TBX2: variants seen among roughly 807,000 people sequenced by gnomAD.
TBX2 encodes T-box transcription factor 2.
A neutral mutation model predicts 48.4 loss-of-function variants in TBX2; 19 were observed. The observed-to-expected ratio is 0.39, with a 90% CI of 0.27 to 0.58. TBX2 has a LOEUF of 0.58. TBX2 is among the 20% of genes least tolerant of loss of function. The pLI is 0.54. For missense variants in TBX2, 994 were observed against 1,006.5 expected, an observed-to-expected ratio of 0.99 and a Z score of 0.17; for synonymous variants, 522 against 459.7, an observed-to-expected ratio of 1.14 and a Z score of -1.73.
intron 1 of TBX2, 98 bp from the exon 2 acceptor site, chr17:61,401,586 G>T (rs767832148): frequency 6.8e-7 from 1 of 1,463,732 alleles, no homozygotes; most frequent in East Asian, 2.4e-5. Context: ...AGGCGGCAGC[G>T]GTGTGCGCAA....
In TBX2 at chr17:61,400,284, CT is replaced by C; in HGVS notation, c.110del (p.Phe37SerfsTer71). The C allele has an allele frequency of 8.6e-7, 1 of 1,167,088 alleles. No homozygotes were observed. Among genetic ancestry groups the C allele is most frequent in the Non-Finnish European group, 1.1e-6 (1 of 926,552 alleles). The allele number at this position is 1,167,088 out of a possible 1,614,324, so 72.3% of individuals were successfully genotyped here. ...SAFLAAAQPS[F>X]FPALALPPGA... The stretch of plus-strand genomic sequence containing the variant: ...CCTTTCTGGCGGCGGCGCAGCCCTC[CT>C]TCTTCCCGGCACTCGCGCTGCCGCC... On this transcript the variant is annotated frameshift_variant, in exon 1 of 7. Transcript: ENST00000240328. LOFTEE classifies it high-confidence loss of function. This position sits in a 1 kb window ranked among gnomAD's most constrained non-coding sequence, Gnocchi z 9.2.
Position 61,408,960 on chromosome 17 carries a change from T to G in TBX2, c.*454T>G. On this transcript the variant is annotated 3_prime_UTR_variant, in exon 7 of 7. Transcript: ENST00000240328. ...GAACCAGTTACGACTGAAGTCAGTG[T>G]AGACCTGAGCTGGGAGGGAACCTGT... The G allele has an allele frequency of 6.4e-6, 1 of 156,696 alleles. No individual in the cohort carries two copies. 9.7% of individuals were successfully genotyped at this position (156,696 alleles called of 1,614,324 possible).
chr17:61,401,114 TCCGCCGCC>T (rs1453637980), intron 1 of TBX2, among the ~76,000 whole-genome samples: 9 of 152,136 alleles, frequency 5.9e-5, no homozygotes, highest in Non-Finnish European at 7.4e-5. Context: ...CCTGGACGCA[TCCGCCGCC>T]CCAGGCCTTA....
rs1404797816 is a variant in TBX2 at position 61,405,409 on chromosome 17, G to A, written c.1259G>A (p.Arg420Lys). 2 of 1,543,578 alleles carry A rather than the reference G, an allele frequency of 1.3e-6. No homozygotes were observed. The highest frequency in any genetic ancestry group is 2.4e-5 in the South Asian group (2 of 83,880). Residue 420 changes from arginine to lysine, a missense_variant, in exon 6 of 7, where the codon AGG (arginine) becomes AAG (lysine). Arg to Lys is a conservative substitution (Grantham distance 26). Transcript: ENST00000240328. ...GGCGGGGACGGCCCGTTCGGCCTGA[G>A]GAGCCTGGAGAAGGAGCGCGCCGAA... Reference protein sequence around the residue: ...ESGGDGPFGLRSLEKERAEAR... With the variant: ...ESGGDGPFGLKSLEKERAEAR...
rs1352420562 is a variant in TBX2 at position 61,403,420 on chromosome 17, C to T, written c.810+213C>T. Among the ~76,000 whole-genome samples the T allele has an allele frequency of 2.0e-5, 3 of 152,266 alleles. No homozygotes were observed. The highest frequency in any genetic ancestry group is 2.9e-5 in the Non-Finnish European group (2 of 68,052). The stretch of plus-strand genomic sequence containing the variant: ...TCCCACCGCGCGCACACACAGGCTC[C>T]CCTGGGGCGAGCGAACAGCTGGGCC... On this transcript the variant is annotated intron_variant, in intron 3 of 6. Coordinates refer to ENST00000240328, the MANE Select transcript of TBX2 (RefSeq NM_005994.4). The surrounding 1 kb of genome is among the most constrained non-coding windows in gnomAD (Gnocchi z 5.8).
In TBX2 at chr17:61,408,908, G is replaced by C. The variant is rs1174293517; in HGVS notation, c.*402G>C. 5.8e-6 allele frequency: 1 copy of C among 172,168 alleles called. No individual in the cohort carries two copies. The highest frequency in any genetic ancestry group is 1.2e-5 in the Non-Finnish European group (1 of 81,904). The allele number at this position is 172,168 out of a possible 1,614,324, so 10.7% of individuals were successfully genotyped here. ...GCCCTGGACCTTGGGCCTAGACCGC[G>C]TGATAAAACTGGGTTGAGGGATGCT... is the stretch of plus-strand genomic sequence containing the variant. On this transcript the variant is annotated 3_prime_UTR_variant, in exon 7 of 7. Coordinates refer to ENST00000240328, the MANE Select transcript of TBX2 (RefSeq NM_005994.4).
In TBX2 at chr17:61,403,521, G is replaced by A. The variant is rs1469789785; in HGVS notation, c.810+314G>A. 1.3e-5 allele frequency among the ~76,000 whole-genome samples: 2 copies of A among 152,194 alleles called. No individual in the cohort carries two copies. The highest frequency in any genetic ancestry group is 2.9e-5 in the Non-Finnish European group (2 of 68,044). ...GCGCTGACATTTTTACATTTTATTC[G>A]TTTATTTCTTGGCTCAGGAATGAGA... On this transcript the variant is annotated intron_variant, in intron 3 of 6. Coordinates refer to ENST00000240328, the MANE Select transcript of TBX2 (RefSeq NM_005994.4). This position sits in a 1 kb window ranked among gnomAD's most constrained non-coding sequence, Gnocchi z 5.8.
Position 61,400,669 on chromosome 17 carries a change from G to A in TBX2, c.395+98G>A. 2 of 1,190,706 alleles carry A rather than the reference G, an allele frequency of 1.7e-6. No homozygotes were observed. The highest frequency in any genetic ancestry group is 1.6e-5 in the South Asian group (1 of 61,576). 73.8% of individuals were successfully genotyped at this position (1,190,706 alleles called of 1,614,324 possible). A position where few individuals can be genotyped will look rare whatever the true frequency, so the allele number is the denominator to read the frequency against. On this transcript the variant is annotated intron_variant, in intron 1 of 6. Coordinates refer to ENST00000240328, the MANE Select transcript of TBX2 (RefSeq NM_005994.4). This position sits in a 1 kb window ranked among gnomAD's most constrained non-coding sequence, Gnocchi z 9.2. ...GCAGAGCTGGGGACTCCCGGCTCCC[G>A]GCTCCCGGCTCCAGGTTCTGGCCCT...
At chr17:61,405,168 AG>A in intron 5 of TBX2, 33 bp from the exon 6 acceptor site, 1 of 1,470,020 alleles carries the variant, frequency 6.8e-7, no homozygotes, top group Non-Finnish European at 9.0e-7. Context: ...GCCTCCGCCC[AG>A]GCCCCTGTAA....
At chr17:61,405,929 C>G in intron 6 of TBX2, 93 bp downstream of exon 6, 1 of 1,196,948 alleles carries the variant, frequency 8.4e-7, no homozygotes, top group South Asian at 4.2e-5. Flanking sequence ...GTGCCAGGGT[C>G]GCTGGGATCC....
chr17:61,404,924 A>T, intron 5 of TBX2, 155 bp downstream of exon 5: 1 of 1,276,500 alleles, frequency 7.8e-7, no homozygotes, highest in South Asian at 1.3e-5. Context: ...GGACTCCCCT[A>T]CGAGGGCGGT....
At position 61,405,529 on chromosome 17, in the gene TBX2, T is replaced by G. The variant is rs763421585; in HGVS notation, c.1379T>G (p.Leu460Arg). ...LVVQTDSASP[L>R]GAGHLPGLAF... ...GTGCAGACAGACAGTGCGTCCCCCC[T>G]GGGCGCCGGACACCTGCCCGGCCTG... The change falls in exon 6 of 7, where the codon CTG becomes CGG. Residue 460 changes from leucine (L) to arginine (R), a missense_variant. Leu to Arg is a moderately radical substitution (Grantham distance 102). Around this residue, in one of 5 missense-constraint regions of TBX2, gnomAD observed 639 missense variants for 613.2 expected, o/e 1.04. Transcript: ENST00000240328. 6.3e-7 allele frequency: 1 copy of G among 1,590,654 alleles called. No homozygotes were observed. The highest frequency in any genetic ancestry group is 8.5e-7 in the Non-Finnish European group (1 of 1,171,870).
chr17:61,402,406 AC>A (rs1433665582), intron 2 of TBX2, among the ~76,000 whole-genome samples: 1 of 146,302 alleles, frequency 6.8e-6, no homozygotes, highest in Non-Finnish European at 1.5e-5. Flanking sequence ...AAGTTAAACC[AC>A]CCTCCCCACC....
chr17:61,400,010 G>A lies in TBX2; in HGVS notation c.-167G>A, dbSNP rs1276073416. 5.1e-6 allele frequency: 1 copy of A among 196,558 alleles called. No individual in the cohort carries two copies. The highest frequency in any genetic ancestry group is 1.9e-4 in the East Asian group (1 of 5,278). The allele number at this position is 196,558 out of a possible 1,614,324, so 12.2% of individuals were successfully genotyped here. A position where few individuals can be genotyped will look rare whatever the true frequency, so the allele number is the denominator to read the frequency against. On this transcript the variant is annotated 5_prime_UTR_variant, in exon 1 of 7. Coordinates refer to ENST00000240328, the MANE Select transcript of TBX2 (RefSeq NM_005994.4). This position sits in a 1 kb window ranked among gnomAD's most constrained non-coding sequence, Gnocchi z 9.2. ...AGCCCCCGCCGCCCCCGCGCACAGA[G>A]CCGGGTGCCCCTTGCGGTGCGCCGG... is the stretch of plus-strand genomic sequence containing the variant.
At chr17:61,404,258 C>T (rs1011860916) in intron 3 of TBX2, among the ~76,000 whole-genome samples, 163 bp from the exon 4 acceptor site, 1 of 152,256 alleles carries the variant, frequency 6.6e-6, no homozygotes, top group African/African-American at 2.4e-5. Flanking sequence ...GCGAGGCCCT[C>T]CCACCGGCCT....
At position 61,401,855 on chromosome 17, in the gene TBX2, C is replaced by G. The variant is rs573739161; in HGVS notation, c.567C>G (p.His189Gln). The change falls in exon 2 of 7, where the codon CAC becomes CAG. Residue 189 changes from histidine to glutamine, a missense_variant. His to Gln is a conservative substitution (Grantham distance 24). Coordinates refer to ENST00000240328, the MANE Select transcript of TBX2 (RefSeq NM_005994.4). ...AGATGCCCAAACGCATGTACATCCACCCAGACAGCCCAGCCACGGGGGAGC... is the reference window on the plus strand; with the variant it reads ...AGATGCCCAAACGCATGTACATCCAGCCAGACAGCCCAGCCACGGGGGAGC... ...DPEMPKRMYIHPDSPATGEQW... is the reference protein window; with the variant it reads ...DPEMPKRMYIQPDSPATGEQW... 1 of 1,613,066 alleles carries G rather than the reference C, an allele frequency of 6.2e-7. No individual in the cohort carries two copies. Among genetic ancestry groups the G allele is most frequent in the Non-Finnish European group, 8.5e-7 (1 of 1,180,022 alleles).
chr17:61,408,182 C>T lies in TBX2; in HGVS notation c.1815C>T (p.Ser605=). Residue 605 remains serine, a synonymous_variant, in exon 7 of 7, where the codon TCC becomes TCT. Coordinates refer to ENST00000240328, the MANE Select transcript of TBX2 (RefSeq NM_005994.4). ...AAAAAAAAAG[S]LSRSPFLGSA... Reference sequence around the variant, plus strand: ...CTGCCGCCGCCGCAGCCGCCGGCTCCCTCTCCCGGAGCCCCTTCCTGGGCA... The same window carrying T: ...CTGCCGCCGCCGCAGCCGCCGGCTCTCTCTCCCGGAGCCCCTTCCTGGGCA... 1 of 1,612,778 alleles carries T rather than the reference C, an allele frequency of 6.2e-7. No individual in the cohort carries two copies. Among genetic ancestry groups the T allele is most frequent in the Non-Finnish European group, 8.5e-7 (1 of 1,179,826 alleles).
chr17:61,400,532 A>G lies in TBX2; in HGVS notation c.356A>G (p.His119Arg). 6.3e-7 allele frequency: 1 copy of G among 1,587,472 alleles called. No individual in the cohort carries two copies. Among genetic ancestry groups the G allele is most frequent in the Non-Finnish European group, 8.6e-7 (1 of 1,167,600 alleles). Reference protein sequence around the residue: ...LEAKELWDQFHKLGTEMVITK... With the variant: ...LEAKELWDQFRKLGTEMVITK... ...GCCAAGGAGCTGTGGGACCAGTTCC[A>G]CAAGCTAGGCACGGAGATGGTCATC... The change falls in exon 1 of 7, where the codon CAC (histidine) becomes CGC (arginine). Residue 119 changes from histidine to arginine, a missense_variant. By Grantham distance (29) the His-to-Arg change is conservative. Transcript: ENST00000240328. This position sits in a 1 kb window ranked among gnomAD's most constrained non-coding sequence, Gnocchi z 9.2.
Position 61,400,195 on chromosome 17 carries a change from G to C in TBX2, c.19G>C (p.Ala7Pro). Reference protein sequence around the residue: MREPALAASAMAYHPFH... With the variant: MREPALPASAMAYHPFH... ...TGTCCCGATGAGAGAGCCGGCGCTGGCGGCCAGCGCCATGGCTTACCACCC... is the reference window on the plus strand; with the variant it reads ...TGTCCCGATGAGAGAGCCGGCGCTGCCGGCCAGCGCCATGGCTTACCACCC... Residue 7 changes from alanine (A) to proline (P), a missense_variant, in exon 1 of 7, where the codon GCG becomes CCG. Around this residue, in one of 5 missense-constraint regions of TBX2, gnomAD observed 165 missense variants for 136.8 expected, o/e 1.21. Transcript: ENST00000240328. The surrounding 1 kb of genome is among the most constrained non-coding windows in gnomAD (Gnocchi z 9.2). 1 of 1,151,706 alleles carries C rather than the reference G, an allele frequency of 8.7e-7. No individual in the cohort carries two copies. The highest frequency in any genetic ancestry group is 1.9e-5 in the South Asian group (1 of 52,918). The allele number at this position is 1,151,706 out of a possible 1,614,324, so 71.3% of individuals were successfully genotyped here.
Sources: allele counts gnomAD v4.1 joint callset (sites outside exome capture counted in the v4.1 genomes callset), GRCh38; gene constraint gnomAD v4.1.1; regional missense constraint gnomAD v4.1.1; non-coding constraint Gnocchi (gnomAD v3.1); transcripts MANE v1.5; gene names NCBI Gene and HGNC (gene_info 2026-07-23, HGNC 2026-07-21).